The following LINGO2 variants were observed in gnomAD, a reference collection of about 807,000 sequenced individuals.
LINGO2 encodes leucine-rich repeat and immunoglobulin-like domain-containing nogo receptor-interacting protein 2.
Under a neutral mutation model 30.6 loss-of-function variants are expected in LINGO2, and 14 were observed. That is an observed-to-expected ratio of 0.46 (90% confidence interval 0.30 to 0.72). The LOEUF is 0.72. Among genes scored for constraint, LINGO2 ranks in the 30% least tolerant of loss-of-function variants. LINGO2 has a pLI of 0.07. For missense variants in LINGO2, 729 were observed against 751.7 expected (o/e 0.97, Z 0.35); for synonymous variants, 317 against 288.5 (o/e 1.10, Z -1.00).
chr9:28,356,119 G>A (rs766251021), intron 3 of LINGO2, among the ~76,000 whole-genome samples: 2 of 152,102 alleles, frequency 1.3e-5, no homozygotes, highest in East Asian at 3.9e-4. Flanking sequence ...CATCCATGCA[G>A]TTGCTAAAAT....
chr9:28,618,892 T>G (rs1826262785), intron 1 of LINGO2, among the ~76,000 whole-genome samples: 1 of 152,194 alleles, frequency 6.6e-6, no homozygotes, highest in Admixed American at 6.5e-5. Flanking sequence ...AAAAAAAATT[T>G]GTTACTGTAA....
intron 4 of LINGO2, among the ~76,000 whole-genome samples, chr9:28,184,838 T>C: frequency 6.6e-6 from 1 of 152,170 alleles, no homozygotes; most frequent in East Asian, 1.9e-4. Context: ...AGAAAACATC[T>C]GCTGCTTTTT....
intron 3 of LINGO2, among the ~76,000 whole-genome samples, chr9:28,371,665 G>A (rs1351131144): frequency 6.6e-6 from 1 of 152,098 alleles, no homozygotes; most frequent in Admixed American, 6.5e-5. Context: ...TTTATCCAAG[G>A]GTGCTCATAT....
intron 2 of LINGO2, among the ~76,000 whole-genome samples, chr9:28,406,134 C>T (rs1020581226): frequency 7.2e-5 from 11 of 152,084 alleles, no homozygotes; most frequent in Non-Finnish European, 1.6e-4. Context: ...TTTTGACTTA[C>T]ATTCGAGATT....
At chr9:28,172,568 A>G (rs1832680515) in intron 4 of LINGO2, among the ~76,000 whole-genome samples, 1 of 152,222 alleles carries the variant, frequency 6.6e-6, no homozygotes, top group African/African-American at 2.4e-5. Flanking sequence ...AAAACACATT[A>G]ATTCCTGAGT....
chr9:28,511,050 A>G (rs1467252372), intron 1 of LINGO2, among the ~76,000 whole-genome samples: 1 of 151,820 alleles, frequency 6.6e-6, no homozygotes. Flanking sequence ...TTAAGGGTGG[A>G]TCTGCCTTCC....
At chr9:28,338,138 C>T (rs1825649846) in intron 3 of LINGO2, among the ~76,000 whole-genome samples, 1 of 152,130 alleles carries the variant, frequency 6.6e-6, no homozygotes, top group African/African-American at 2.4e-5. Flanking sequence ...AGGCCATGGG[C>T]ACCTCATGCA....
Position 28,355,279 on chromosome 9 carries a change from G to GTC in LINGO2, c.-246+17555_-246+17556dup, listed in dbSNP as rs1188574335. ...TGTCTCTGTCTCTCTCTCTGTCTCT[G>GTC]TCTCTCTCTCTCTCTCTATGTCTCT... On this transcript the variant is annotated intron_variant, in intron 3 of 5. Transcript: ENST00000379992. 2.5e-3 allele frequency among the ~76,000 whole-genome samples: 118 copies of GTC among 46,844 alleles called. 2 individuals carry two copies. Among genetic ancestry groups the GTC allele is most frequent in the Non-Finnish European group, 2.0e-3 (46 of 23,012 alleles). The allele number at this position is 46,844 out of a possible 152,430, so 30.7% of individuals were successfully genotyped here. A position where few individuals can be genotyped will look rare whatever the true frequency, so the allele number is the denominator to read the frequency against.
At chr9:29,136,054 G>T in the LINGO2 span, among the ~76,000 whole-genome samples, 2 of 152,140 alleles carry the variant, frequency 1.3e-5, no homozygotes, top group Non-Finnish European at 2.9e-5. Flanking sequence ...AATTATCACA[G>T]TTTGAGATGC....
intron 2 of LINGO2, among the ~76,000 whole-genome samples, chr9:28,411,718 G>A (rs1822771730): frequency 6.6e-6 from 1 of 152,072 alleles, no homozygotes; most frequent in Non-Finnish European, 1.5e-5. Context: ...AAATGATGCT[G>A]CTATGAACAT....
chr9:28,713,547 T>C, the LINGO2 span, among the ~76,000 whole-genome samples: 36 of 152,138 alleles, frequency 2.4e-4, no homozygotes, highest in Admixed American at 2.6e-4. Context: ...GTTGTCCAAT[T>C]GGTATTTCTG....
chr9:28,840,560 T>C, the LINGO2 span, among the ~76,000 whole-genome samples: 1 of 151,890 alleles, frequency 6.6e-6, no homozygotes, highest in East Asian at 1.9e-4. Context: ...ACATCTTTTA[T>C]CCCATAGAAG....
At chr9:28,385,614 C>A (rs1412226) in intron 2 of LINGO2, among the ~76,000 whole-genome samples, 3 of 151,962 alleles carry the variant, frequency 2.0e-5, no homozygotes, top group African/African-American at 4.8e-5. Context: ...GGAAATGGAG[C>A]GAACAAAAGA....
At chr9:28,259,506 C>G (rs1439999692) in intron 4 of LINGO2, among the ~76,000 whole-genome samples, 1 of 151,446 alleles carries the variant, frequency 6.6e-6, no homozygotes, top group Non-Finnish European at 1.5e-5. Context: ...GTGAGCCATA[C>G]AAGGTCTATG....
At chr9:28,330,084 A>T (rs981531042) in intron 3 of LINGO2, among the ~76,000 whole-genome samples, 5 of 152,098 alleles carry the variant, frequency 3.3e-5, no homozygotes, top group Admixed American at 6.6e-5. Flanking sequence ...CACCCTCATG[A>T]TGGAATTAGT....
At chr9:28,338,553 C>A (rs968504968) in intron 3 of LINGO2, among the ~76,000 whole-genome samples, 4 of 151,998 alleles carry the variant, frequency 2.6e-5, no homozygotes, top group African/African-American at 4.8e-5. Flanking sequence ...TGTGTCTCCA[C>A]CCAAATCTCA....
At chr9:28,119,223 T>C (rs973968408) in intron 4 of LINGO2, among the ~76,000 whole-genome samples, 1 of 152,124 alleles carries the variant, frequency 6.6e-6, no homozygotes, top group African/African-American at 2.4e-5. Context: ...CCCAATAACC[T>C]TGTGAGGGTT....
At chr9:28,938,190 C>T in the LINGO2 span, among the ~76,000 whole-genome samples, 77 of 152,210 alleles carry the variant, frequency 5.1e-4, 2 homozygotes, top group East Asian at 0.012. Flanking sequence ...AGTGGCAGGA[C>T]CTCTGCTGGA....
the LINGO2 span, among the ~76,000 whole-genome samples, chr9:28,869,375 C>T: frequency 1.3e-5 from 2 of 151,990 alleles, no homozygotes; most frequent in African/African-American, 2.4e-5. Flanking sequence ...TCAAAAGAGA[C>T]GAAGCCTGAC....
Sources: allele counts gnomAD v4.1 joint callset (sites outside exome capture counted in the v4.1 genomes callset), GRCh38; gene constraint gnomAD v4.1.1; transcripts MANE v1.5; gene names NCBI Gene and HGNC (gene_info 2026-07-23, HGNC 2026-07-21).